Variants in SLC24A3 observed in about 807,000 individuals in gnomAD.
The protein encoded by SLC24A3 is solute carrier family 24 member 3, also known as sodium/potassium/calcium exchanger 3.
Under a neutral mutation model 75.8 loss-of-function variants are expected in SLC24A3, and 28 were observed. That is an observed-to-expected ratio of 0.37 (90% confidence interval 0.27 to 0.51). SLC24A3 has a LOEUF of 0.51. SLC24A3 is among the 20% of genes least tolerant of loss of function. The pLI, the probability that SLC24A3 is intolerant of heterozygous loss-of-function variation, is 0.94. For synonymous variants in SLC24A3, 372 were observed against 334.1 expected (o/e 1.11, Z -1.24); for missense variants, 663 against 847.8 (o/e 0.78, Z 2.71).
At chr20:19,218,105 A>C (rs775037843) in intron 1 of SLC24A3, among the ~76,000 whole-genome samples, 1 of 152,186 alleles carries the variant, frequency 6.6e-6, no homozygotes, top group Non-Finnish European at 1.5e-5. Flanking sequence ...TTAAATATAG[A>C]GGCAAATATA....
chr20:19,369,453 G>A (rs1985953390), intron 2 of SLC24A3, among the ~76,000 whole-genome samples: 1 of 149,050 alleles, frequency 6.7e-6, no homozygotes. Context: ...AAGGAGATAG[G>A]ATGGTTAAGT....
intron 2 of SLC24A3, among the ~76,000 whole-genome samples, chr20:19,357,982 T>A (rs750577015): frequency 1.3e-5 from 2 of 152,222 alleles, no homozygotes; most frequent in African/African-American, 2.4e-5. Context: ...TAATCATCAC[T>A]TACCATTTAC....
At chr20:19,364,197 G>C (rs1365387883) in intron 2 of SLC24A3, among the ~76,000 whole-genome samples, 1 of 152,130 alleles carries the variant, frequency 6.6e-6, no homozygotes, top group African/African-American at 2.4e-5. Flanking sequence ...CACCAACCGT[G>C]TGGGTCTCCC....
In SLC24A3 at chr20:19,362,994, G is replaced by A. The variant is rs376408376; in HGVS notation, c.271+81907G>A. Among the ~76,000 whole-genome samples, 21 of 152,280 alleles carry A rather than the reference G, an allele frequency of 1.4e-4. 1 individual carries two copies. Among genetic ancestry groups the A allele is most frequent in the Middle Eastern group, 3.4e-3 (1 of 294 alleles). ...TAAGTATTTGGGCTTCCCATGTGTCGCTGGGAAAGCTTGACTTAGGGCTAC... is the reference window on the plus strand; with the variant it reads ...TAAGTATTTGGGCTTCCCATGTGTCACTGGGAAAGCTTGACTTAGGGCTAC... On this transcript the variant is annotated intron_variant, in intron 2 of 16. Coordinates refer to ENST00000328041, the MANE Select transcript of SLC24A3 (RefSeq NM_020689.4).
chr20:19,406,637 G>A (rs985638448), intron 2 of SLC24A3, among the ~76,000 whole-genome samples: 1 of 152,264 alleles, frequency 6.6e-6, no homozygotes, highest in Non-Finnish European at 1.5e-5. Context: ...GAAAAGTGGG[G>A]TGAGCTACAG....
intron 1 of SLC24A3, among the ~76,000 whole-genome samples, chr20:19,242,901 T>A (rs1982371565): frequency 6.6e-6 from 1 of 152,354 alleles, no homozygotes; most frequent in Non-Finnish European, 1.5e-5. Context: ...CAATGAAAAG[T>A]AAGAATAATC....
chr20:19,642,289 G>GTA (rs2032085472), intron 6 of SLC24A3, among the ~76,000 whole-genome samples: 1 of 152,214 alleles, frequency 6.6e-6, no homozygotes, highest in Non-Finnish European at 1.5e-5. Flanking sequence ...TGTTCCTTAT[G>GTA]TATATATGCA....
intron 2 of SLC24A3, among the ~76,000 whole-genome samples, chr20:19,291,786 C>T (rs977279554): frequency 2.0e-5 from 3 of 152,182 alleles, no homozygotes; most frequent in African/African-American, 7.2e-5. Flanking sequence ...AGGGCCCACT[C>T]AGTGTCCACG....
intron 7 of SLC24A3, among the ~76,000 whole-genome samples, chr20:19,663,053 T>C (rs547324960): frequency 2.0e-5 from 3 of 152,278 alleles, no homozygotes; most frequent in African/African-American, 7.2e-5. Flanking sequence ...TTTCTCATGA[T>C]GAGGAAGCCC....
At chr20:19,230,213 C>G (rs969133227) in intron 1 of SLC24A3, among the ~76,000 whole-genome samples, 6 of 152,158 alleles carry the variant, frequency 3.9e-5, no homozygotes, top group South Asian at 4.1e-4. Context: ...CCTCACCACT[C>G]TCACCTGGTC....
At chr20:19,477,536 G>A (rs923178417) in intron 2 of SLC24A3, among the ~76,000 whole-genome samples, 7 of 152,310 alleles carry the variant, frequency 4.6e-5, no homozygotes, top group African/African-American at 1.4e-4. Context: ...GTGTAAGTGT[G>A]TGGAAGGAAC....
chr20:19,275,612 T>C (rs1983460476), intron 1 of SLC24A3, among the ~76,000 whole-genome samples: 1 of 152,236 alleles, frequency 6.6e-6, no homozygotes, highest in South Asian at 2.1e-4. Context: ...TCAGAAATCC[T>C]TGGGCTCTCT....
rs1264033637 is a variant in SLC24A3, at chr20:19,684,321, C to T, written c.1047C>T (p.Arg349=). ...PPKTRLSMAS[R]MLINERQRLI... Reference sequence around the variant, plus strand: ...AGACCCGGCTCTCCATGGCCAGTCGCATGTTGATCAATGAGGTACCTGGGA... The same window carrying T: ...AGACCCGGCTCTCCATGGCCAGTCGTATGTTGATCAATGAGGTACCTGGGA... The change falls in exon 11 of 17, where the codon CGC becomes CGT. Residue 349 remains arginine (R), a synonymous_variant. Transcript: ENST00000328041. 2 of 1,613,782 alleles carry T rather than the reference C, an allele frequency of 1.2e-6. No individual in the cohort carries two copies. Among genetic ancestry groups the T allele is most frequent in the Admixed American group, 3.3e-5 (2 of 59,980 alleles).
Position 19,719,532 on chromosome 20 carries a change from AGTGAGGACG to A in SLC24A3, c.1786-1457_1786-1449del, listed in dbSNP as rs576791144. Among the ~76,000 whole-genome samples, 633 of 152,012 alleles carry A rather than the reference AGTGAGGACG, an allele frequency of 4.2e-3. 2 individuals carry two copies. Among genetic ancestry groups the A allele is most frequent in the Non-Finnish European group, 7.1e-3 (481 of 67,980 alleles). On this transcript the variant is annotated intron_variant, in intron 16 of 16. Coordinates refer to ENST00000328041, the MANE Select transcript of SLC24A3 (RefSeq NM_020689.4). ...TTGGGAGCTCTGTGCCGTGGGGATA[AGTGAGGACG>A]GGGAAGTGAGTGTCGGAGATTGGAA...
chr20:19,374,036 TTGTAACGTAGCATAGGTACTTGAA>T (rs1986036750), intron 2 of SLC24A3, among the ~76,000 whole-genome samples: 1 of 152,196 alleles, frequency 6.6e-6, no homozygotes, highest in Admixed American at 6.5e-5. Flanking sequence ...CAGCATCATT[TTGTAACGTAGCATAGGTACTTGAA>T]TGCCAAATGC....
At position 19,585,561 on chromosome 20, in the gene SLC24A3, C is replaced by A. The variant is rs542364749; in HGVS notation, c.612+17C>A. On this transcript the variant is annotated intron_variant, in intron 6 of 16. Coordinates refer to ENST00000328041, the MANE Select transcript of SLC24A3 (RefSeq NM_020689.4). ...GCTGGGCAGGTAAGACTGGCGGCTT[C>A]TTTGTGATGGCAAAATGTGACATTG... The A allele has an allele frequency of 1.2e-6, 2 of 1,610,256 alleles. No homozygotes were observed. The highest frequency in any genetic ancestry group is 2.2e-5 in the South Asian group (2 of 90,662).
At chr20:19,449,402 G>A (rs58284751) in intron 2 of SLC24A3, among the ~76,000 whole-genome samples, 2,986 of 152,318 alleles carry the variant, frequency 0.02, 88 homozygotes, top group East Asian at 0.1. Context: ...CCCACGTGGC[G>A]CCCAAGCTCT....
Position 19,655,110 on chromosome 20 carries a change from A to G in SLC24A3, c.687+974A>G, listed in dbSNP as rs183625902. Among the ~76,000 whole-genome samples, 8 of 152,236 alleles carry G rather than the reference A, an allele frequency of 5.3e-5. No individual in the cohort carries two copies. The East Asian group carries it at 5.8e-4, about 11-fold the overall frequency. On this transcript the variant is annotated intron_variant, in intron 7 of 16. Coordinates refer to ENST00000328041, the MANE Select transcript of SLC24A3 (RefSeq NM_020689.4). ...GTACCGTGAATTTCAGGTTACCACAATCTGTCCACTGCATTCCTCCAGAGC... is the reference window on the plus strand; with the variant it reads ...GTACCGTGAATTTCAGGTTACCACAGTCTGTCCACTGCATTCCTCCAGAGC...
At chr20:19,493,693 G>C (rs6046139) in intron 2 of SLC24A3, among the ~76,000 whole-genome samples, 37,172 of 151,982 alleles carry the variant, frequency 0.24, 5,016 homozygotes, top group East Asian at 0.5. Flanking sequence ...GGGATCACTG[G>C]AGCTGGAGGG....
Sources: allele counts gnomAD v4.1 joint callset (sites outside exome capture counted in the v4.1 genomes callset), GRCh38; gene constraint gnomAD v4.1.1; transcripts MANE v1.5; gene names NCBI Gene and HGNC (gene_info 2026-07-23, HGNC 2026-07-21).